CHD2: variants seen among roughly 807,000 people sequenced by gnomAD.
The protein encoded by CHD2 is chromodomain helicase DNA binding protein 2.
Under a neutral mutation model 243.9 loss-of-function variants are expected in CHD2, and 28 were observed. That is an observed-to-expected ratio of 0.11 (90% CI 0.09 to 0.16). CHD2 has a LOEUF of 0.16. CHD2 is among the 10% of genes least tolerant of loss of function. The pLI, the probability that CHD2 is intolerant of heterozygous loss-of-function variation, is 1.00. For synonymous variants in CHD2, 775 were observed against 779.0 expected (o/e 0.99, Z 0.09); for missense variants, 1,386 against 2,209.8 (o/e 0.63, Z 7.47).
intron 2 of CHD2, among the ~76,000 whole-genome samples, chr15:92,912,912 C>T (rs73456414): frequency 3.3e-4 from 50 of 152,254 alleles, no homozygotes; most frequent in African/African-American, 1.2e-3. Context: ...CAAATAGAGG[C>T]AATATATGAC....
intron 38 of CHD2, among the ~76,000 whole-genome samples, chr15:93,023,161 C>G (rs1169088907): frequency 6.6e-6 from 1 of 152,220 alleles, no homozygotes; most frequent in Non-Finnish European, 1.5e-5. Context: ...AACCCTATAA[C>G]CATTAAATAA....
Position 92,971,930 on chromosome 15 carries a change from A to G in CHD2, c.2352+3A>G, listed in dbSNP as rs2053846534. ...AAAATGGACAGGAGATTCTTCTGGT[A>G]GGTAGTTCCTCATAATTACTTTCTC... is the stretch of plus-strand genomic sequence containing the variant. On this transcript the variant is annotated splice_donor_region_variant and intron_variant, in intron 18 of 38. Transcript: ENST00000394196. The G allele has an allele frequency of 1.2e-6, 2 of 1,600,176 alleles. No homozygotes were observed. Among genetic ancestry groups the G allele is most frequent in the Admixed American group, 1.8e-5 (1 of 56,152 alleles).
intron 35 of CHD2, among the ~76,000 whole-genome samples, chr15:93,009,738 G>T (rs1360979578): frequency 1.3e-5 from 2 of 152,284 alleles, no homozygotes; most frequent in African/African-American, 4.8e-5. Context: ...GTGACACAAA[G>T]ATTAAAACCG....
rs141426727 is a variant in CHD2, at chr15:92,917,605, T to C, written c.63-6716T>C. 9.5e-3 allele frequency among the ~76,000 whole-genome samples: 1,442 copies of C among 152,266 alleles called. 11 individuals are homozygous for C. The highest frequency in any genetic ancestry group is 0.048 in the Middle Eastern group (14 of 294). On this transcript the variant is annotated intron_variant, in intron 2 of 38. Coordinates refer to ENST00000394196, the MANE Select transcript of CHD2 (RefSeq NM_001271.4). ...AGAAAAAAAAGGTGTGACCAGTCAG[T>C]CTTCTTTGCTTTTCCATCTTAAGAC...
At chr15:92,949,689 T>G (rs1470514552) in intron 13 of CHD2, among the ~76,000 whole-genome samples, 3 of 152,222 alleles carry the variant, frequency 2.0e-5, no homozygotes, top group Non-Finnish European at 2.9e-5. Context: ...TACTTACAAA[T>G]TTCCTTCACC....
chr15:92,979,423 A>G (rs1266317489), intron 22 of CHD2, 140 bp downstream of exon 22: 2 of 1,049,840 alleles, frequency 1.9e-6, no homozygotes, highest in Non-Finnish European at 2.7e-6. Context: ...ATAGGATAGC[A>G]TTTTCACTTT....
At chr15:92,903,043 A>G (rs1012466417) in intron 2 of CHD2, among the ~76,000 whole-genome samples, 4 of 152,216 alleles carry the variant, frequency 2.6e-5, no homozygotes, top group African/African-American at 9.6e-5. Context: ...TTGGTTTGTC[A>G]AGTATACTTT....
rs777296633 is a variant in CHD2 at position 93,024,654 on chromosome 15, A to T, written c.5436A>T (p.Ser1812=). Residue 1812 remains serine (S), a synonymous_variant, in exon 39 of 39, where the codon TCA becomes TCT. Coordinates refer to ENST00000394196, the MANE Select transcript of CHD2 (RefSeq NM_001271.4). Reference sequence around the variant, plus strand: ...ATCATAGGTCTCCTTTGGAGAGATCACTAGAACAGAAAAACAACCCAGATT... The same window carrying T: ...ATCATAGGTCTCCTTTGGAGAGATCTCTAGAACAGAAAAACAACCCAGATT... ...PLDHRSPLER[S]LEQKNNPDYN... The T allele has an allele frequency of 1.9e-6, 3 of 1,613,520 alleles. No homozygotes were observed. In the African/African-American group the frequency reaches 4.0e-5, roughly 22 times the overall value.
At position 92,900,488 on chromosome 15, in the gene CHD2, C is replaced by CT. The variant is rs1052368951; in HGVS notation, c.-401dup. 2.8e-5 allele frequency: 11 copies of CT among 398,294 alleles called. No individual in the cohort carries two copies. Among genetic ancestry groups the CT allele is most frequent in the South Asian group, 2.6e-4 (2 of 7,812 alleles). 24.7% of individuals were successfully genotyped at this position (398,294 alleles called of 1,614,324 possible). A position where few individuals can be genotyped will look rare whatever the true frequency, so the allele number is the denominator to read the frequency against. ...GGGACTTACTGGGGTCGATTCGAACCTTTTTTTGGGAGAAAAGCAGCTTTT... is the reference window on the plus strand; with the variant it reads ...GGGACTTACTGGGGTCGATTCGAACCTTTTTTTTGGGAGAAAAGCAGCTTTT... On this transcript the variant is annotated 5_prime_UTR_variant, in exon 1 of 39. Coordinates refer to ENST00000394196, the MANE Select transcript of CHD2 (RefSeq NM_001271.4).
At chr15:93,010,445 T>A (rs2141883192) in intron 35 of CHD2, among the ~76,000 whole-genome samples, 1 of 147,318 alleles carries the variant, frequency 6.8e-6, no homozygotes, top group Admixed American at 6.9e-5. Context: ...TGAGACAGAG[T>A]CTGACTCTTT....
chr15:92,916,774 A>G (rs1291060646), intron 2 of CHD2, among the ~76,000 whole-genome samples: 1 of 152,176 alleles, frequency 6.6e-6, no homozygotes, highest in Non-Finnish European at 1.5e-5. Flanking sequence ...GGATTGTCTC[A>G]GTCTCCTGAC....
intron 2 of CHD2, among the ~76,000 whole-genome samples, chr15:92,903,709 G>C (rs998129938): frequency 3.9e-5 from 6 of 152,068 alleles, no homozygotes; most frequent in African/African-American, 1.5e-4. Context: ...GATAACTTAA[G>C]TAACATCAAA....
chr15:92,900,623 C>T lies in CHD2; in HGVS notation c.-273C>T, dbSNP rs1230069854. On this transcript the variant is annotated 5_prime_UTR_variant, in exon 1 of 39. Coordinates refer to ENST00000394196, the MANE Select transcript of CHD2 (RefSeq NM_001271.4). ...GCGCACCTCCATTTTTGTGCGCTCT[C>T]CTAATGAGGTTTTTTTTCTTTCGGA... 2 of 398,414 alleles carry T rather than the reference C, an allele frequency of 5.0e-6. No individual in the cohort carries two copies. Among genetic ancestry groups the T allele is most frequent in the Non-Finnish European group, 8.8e-6 (2 of 226,074 alleles). The allele number at this position is 398,414 out of a possible 1,614,324, so 24.7% of individuals were successfully genotyped here.
At chr15:92,931,210 A>C (rs2053160497) in intron 5 of CHD2, among the ~76,000 whole-genome samples, 1 of 152,238 alleles carries the variant, frequency 6.6e-6, no homozygotes, top group Admixed American at 6.5e-5. Flanking sequence ...GAAACCCTGC[A>C]GATTTTATTC....
At chr15:92,955,992 T>A (rs1423726013) in intron 15 of CHD2, among the ~76,000 whole-genome samples, 1 of 152,206 alleles carries the variant, frequency 6.6e-6, no homozygotes, top group African/African-American at 2.4e-5. Context: ...AGAAGCTCTT[T>A]AAATACCGCC....
At chr15:92,923,803 A>T (rs2053005801) in intron 2 of CHD2, among the ~76,000 whole-genome samples, 1 of 151,884 alleles carries the variant, frequency 6.6e-6, no homozygotes, top group Admixed American at 6.6e-5. Flanking sequence ...TGACCTCGTG[A>T]TCCGCCCGCC....
At chr15:92,923,781 C>T (rs895888907) in intron 2 of CHD2, among the ~76,000 whole-genome samples, 6 of 151,956 alleles carry the variant, frequency 3.9e-5, no homozygotes, top group African/African-American at 1.5e-4. Context: ...GTCCAGGATG[C>T]TCTCGATCTC....
chr15:92,945,801 C>G lies in CHD2; in HGVS notation c.1154-20C>G, dbSNP rs1025773046. 2 of 1,501,940 alleles carry G rather than the reference C, an allele frequency of 1.3e-6. No individual in the cohort carries two copies. The highest frequency in any genetic ancestry group is 1.3e-5 in the South Asian group (1 of 78,120). 93.0% of individuals were successfully genotyped at this position (1,501,940 alleles called of 1,614,324 possible). A position where few individuals can be genotyped will look rare whatever the true frequency, so the allele number is the denominator to read the frequency against. ...TTCATTGTGTTTATAACTTTTCTGT[C>G]TTATTTTTTATTTGTTTAGCTGTGA... On this transcript the variant is annotated intron_variant, in intron 10 of 38. Coordinates refer to ENST00000394196, the MANE Select transcript of CHD2 (RefSeq NM_001271.4).
At chr15:93,004,318 C>T (rs1338996937) in intron 33 of CHD2, among the ~76,000 whole-genome samples, 1 of 152,048 alleles carries the variant, frequency 6.6e-6, no homozygotes. Context: ...CAAGCTTAAC[C>T]TCTTGATGAC....
Sources: allele counts gnomAD v4.1 joint callset (sites outside exome capture counted in the v4.1 genomes callset), GRCh38; gene constraint gnomAD v4.1.1; transcripts MANE v1.5; gene names NCBI Gene and HGNC (gene_info 2026-07-23, HGNC 2026-07-21).